The following IL17RC variants were observed in gnomAD, a reference collection of about 807,000 sequenced individuals.
The protein encoded by IL17RC is interleukin-17 receptor C.
In IL17RC, 53 loss-of-function variants were observed where a neutral mutation model predicts 86.7. The ratio of observed to expected loss-of-function variants is 0.61; its 90% CI spans 0.49 to 0.77. IL17RC has a LOEUF of 0.77. Among genes scored for constraint, IL17RC ranks in the 30% least tolerant of loss-of-function variants. IL17RC has a pLI of 0.00. For missense variants in IL17RC, 957 were observed against 940.0 expected (o/e 1.02, Z -0.24); for synonymous variants, 439 against 413.1 (o/e 1.06, Z -0.76).
intron 12 of IL17RC, 102 bp downstream of exon 12, chr3:9,928,732 A>G: frequency 1.6e-6 from 2 of 1,239,290 alleles, no homozygotes; most frequent in South Asian, 1.3e-5. Flanking sequence ...AGTGGTTGCC[A>G]GCTTCCTCTA....
intron 7 of IL17RC, 77 bp from the exon 8 acceptor site, chr3:9,923,804 G>A (rs1350753231): frequency 2.0e-6 from 3 of 1,514,036 alleles, no homozygotes; most frequent in East Asian, 4.5e-5. Context: ...GGGTTTGAAG[G>A]AAACTCCAAA....
At chr3:9,920,287 A>T in intron 5 of IL17RC, 1 of 545,614 alleles carries the variant, frequency 1.8e-6, no homozygotes, top group Non-Finnish European at 3.3e-6. Context: ...CGCCCTGGTG[A>T]CACTCTTACT....
Position 9,930,180 on chromosome 3 carries a change from C to G in IL17RC, c.1278+31C>G. The G allele has an allele frequency of 6.2e-7, 1 of 1,612,662 alleles. No individual in the cohort carries two copies. The highest frequency in any genetic ancestry group is 8.5e-7 in the Non-Finnish European group (1 of 1,179,284). ...GACTGGGCGACCCTCCTCCACAGAT[C>G]TCTCCAAATGCATCTCACATCTGGC... On this transcript the variant is annotated intron_variant, in intron 14 of 18. Transcript: ENST00000403601. This position sits in a 1 kb window ranked among gnomAD's most constrained non-coding sequence, Gnocchi z 5.8.
At chr3:9,932,739 G>C (rs2084873667) in intron 17 of IL17RC, 36 bp downstream of exon 17, 2 of 1,611,490 alleles carry the variant, frequency 1.2e-6, no homozygotes, top group Non-Finnish European at 1.7e-6. Context: ...CCCTGGGGGA[G>C]GACCAGAGTG....
intron 5 of IL17RC, among the ~76,000 whole-genome samples, chr3:9,920,063 T>A (rs1223623567): frequency 6.6e-6 from 1 of 152,050 alleles, no homozygotes; most frequent in Non-Finnish European, 1.5e-5. Flanking sequence ...CCAGCCAATA[T>A]CCTATCTGGA....
intron 9 of IL17RC, among the ~76,000 whole-genome samples, chr3:9,925,754 C>T (rs2084002561): frequency 6.6e-6 from 1 of 152,158 alleles, no homozygotes; most frequent in Non-Finnish European, 1.5e-5. Flanking sequence ...CCCTCACCTC[C>T]TTCCCAAAGC....
At chr3:9,917,487 AG>A (rs1174005852) in intron 1 of IL17RC, 67 bp downstream of exon 1, 3 of 1,614,068 alleles carry the variant, frequency 1.9e-6, no homozygotes, top group Non-Finnish European at 2.5e-6. Context: ...GCAAAGCCTT[AG>A]CCTGGCTCCT....
chr3:9,917,434 C>G lies in IL17RC; in HGVS notation c.105+14C>G. The G allele has an allele frequency of 1.2e-6, 2 of 1,614,176 alleles. No homozygotes were observed. Among genetic ancestry groups the G allele is most frequent in the Non-Finnish European group, 1.7e-6 (2 of 1,180,016 alleles). Reference sequence around the variant, plus strand: ...CACTGCTCTCCGGTGAGTCTGGAACCCTGGGGAGACGAGGAAAGGCTCAGG... The same window carrying G: ...CACTGCTCTCCGGTGAGTCTGGAACGCTGGGGAGACGAGGAAAGGCTCAGG... On this transcript the variant is annotated intron_variant, in intron 1 of 18. Coordinates refer to ENST00000403601, the MANE Select transcript of IL17RC (RefSeq NM_153460.4).
Position 9,933,379 on chromosome 3 carries a change from T to C in IL17RC, c.1949T>C (p.Val650Ala), listed in dbSNP as rs953576459. ...GCCGTACCCGCCCTTTTCCGCACCG[T>C]GCCCGTCTTCACACTGCCCTCCCAA... ...PDAVPALFRTVPVFTLPSQLP... is the reference protein window; with the variant it reads ...PDAVPALFRTAPVFTLPSQLP... The change falls in exon 19 of 19, where the codon GTG becomes GCG. Residue 650 changes from valine to alanine, a missense_variant. Coordinates refer to ENST00000403601, the MANE Select transcript of IL17RC (RefSeq NM_153460.4). 9 of 1,612,828 alleles carry C rather than the reference T, an allele frequency of 5.6e-6. No homozygotes were observed. The highest frequency in any genetic ancestry group is 1.7e-5 in the Admixed American group (1 of 59,954).
chr3:9,923,739 G>A, intron 7 of IL17RC, 142 bp from the exon 8 acceptor site: 1 of 905,904 alleles, frequency 1.1e-6, no homozygotes, highest in Non-Finnish European at 1.7e-6. Flanking sequence ...TAGGAGCAAA[G>A]TCTGGTCTGA....
chr3:9,931,660 C>T (rs1461692440), intron 16 of IL17RC, among the ~76,000 whole-genome samples: 4 of 151,646 alleles, frequency 2.6e-5, no homozygotes, highest in African/African-American at 9.7e-5. Context: ...GCGCCTGCCA[C>T]CATGCCCTGC....
intron 5 of IL17RC, among the ~76,000 whole-genome samples, chr3:9,919,908 A>G (rs1030140357): frequency 2.0e-5 from 3 of 151,916 alleles, no homozygotes; most frequent in Non-Finnish European, 2.9e-5. Context: ...CATACATACC[A>G]TGGTATACTT....
intron 9 of IL17RC, 148 bp downstream of exon 9, chr3:9,924,439 T>C (rs2083877375): frequency 1.2e-5 from 9 of 721,496 alleles, no homozygotes; most frequent in South Asian, 1.7e-5. Flanking sequence ...CCCTTGACCC[T>C]TGCTGTCCTA....
chr3:9,923,557 A>C (rs1483529298), intron 7 of IL17RC, among the ~76,000 whole-genome samples: 1 of 152,148 alleles, frequency 6.6e-6, no homozygotes, highest in Admixed American at 6.5e-5. Context: ...CTCAAAAAAA[A>C]AAAAGGACAC....
In IL17RC at chr3:9,918,379, GC is replaced by G. The variant is rs1559290681; in HGVS notation, c.326del (p.Ala109ValfsTer59). 1 of 1,608,562 alleles carries G rather than the reference GC, an allele frequency of 6.2e-7. No homozygotes were observed. The highest frequency in any genetic ancestry group is 8.5e-7 in the Non-Finnish European group (1 of 1,177,430). On this transcript the variant is annotated frameshift_variant, in exon 4 of 19. Coordinates refer to ENST00000403601, the MANE Select transcript of IL17RC (RefSeq NM_153460.4). LOFTEE classifies it high-confidence loss of function. ...PEDEEKFGGA[A>X]DSGVEEPRNA... is the part of the protein sequence containing the mutation. ...AGATGAGGAAAAGTTTGGAGGAGCAGCTGACTCAGGGGTGGAGGAGCCTAGG... is the reference window on the plus strand; with the variant it reads ...AGATGAGGAAAAGTTTGGAGGAGCAGTGACTCAGGGGTGGAGGAGCCTAGG...
chr3:9,921,104 A>G (rs2083505247), intron 7 of IL17RC, 135 bp downstream of exon 7: 1 of 586,096 alleles, frequency 1.7e-6, no homozygotes, highest in Non-Finnish European at 3.0e-6. Flanking sequence ...TCATTCATTC[A>G]TTCATTTGTT....
At chr3:9,921,116 A>G (rs930753648) in intron 7 of IL17RC, 147 bp downstream of exon 7, 1 of 574,084 alleles carries the variant, frequency 1.7e-6, no homozygotes, top group South Asian at 2.4e-5. Flanking sequence ...TCATTTGTTC[A>G]TAACACATTA....
chr3:9,932,572 GGTAA>G, intron 16 of IL17RC, 32 bp from the exon 17 acceptor site: 1 of 1,574,754 alleles, frequency 6.4e-7, no homozygotes, highest in Non-Finnish European at 8.7e-7. Context: ...CTCTGTGGAG[GGTAA>G]GTTTCTAACT....
rs1294109092 is a variant in IL17RC at position 9,918,355 on chromosome 3, G to T, written c.301G>T (p.Asp101Tyr). The T allele has an allele frequency of 6.2e-7, 1 of 1,600,150 alleles. No homozygotes were observed. ...AVHGHWEEPE[D>Y]EEKFGGAADS... The stretch of plus-strand genomic sequence containing the variant: ...TCTAGGGCACTGGGAAGAGCCTGAA[G>T]ATGAGGAAAAGTTTGGAGGAGCAGC... The change falls in exon 4 of 19, where the codon GAT becomes TAT. Residue 101 changes from aspartate (D) to tyrosine (Y), a missense_variant. Asp to Tyr is a radical substitution (Grantham distance 160, BLOSUM62 -3). Coordinates refer to ENST00000403601, the MANE Select transcript of IL17RC (RefSeq NM_153460.4).
Sources: allele counts gnomAD v4.1 joint callset (sites outside exome capture counted in the v4.1 genomes callset), GRCh38; gene constraint gnomAD v4.1.1; non-coding constraint Gnocchi (gnomAD v3.1); transcripts MANE v1.5; gene names NCBI Gene and HGNC (gene_info 2026-07-23, HGNC 2026-07-21).